Variants in SAMD5 observed in about 807,000 individuals in gnomAD.
SAMD5 encodes sterile alpha motif domain-containing protein 5.
In SAMD5, 13 loss-of-function variants were observed where a neutral mutation model predicts 11.3. The ratio of observed to expected loss-of-function variants is 1.15; its 90% CI spans 0.75 to 1.83. The LOEUF (loss-of-function observed/expected upper bound fraction) is 1.83, where lower values mean the gene tolerates loss of function less well. Among genes scored for constraint, SAMD5 ranks in the 40% most tolerant of loss-of-function variants. SAMD5 has a pLI of 0.00. For missense variants in SAMD5, 255 were observed against 239.1 expected, an observed-to-expected ratio of 1.07 and a Z score of -0.44; for synonymous variants, 129 against 111.3, an observed-to-expected ratio of 1.16 and a Z score of -1.00.
intron 1 of SAMD5, among the ~76,000 whole-genome samples, chr6:147,715,174 T>C (rs6941141): frequency 0.023 from 3,494 of 152,244 alleles, 154 homozygotes; most frequent in African/African-American, 0.081. Context: ...TCAGGCCTGC[T>C]GGGCTTGTTC....
the SAMD5 span, among the ~76,000 whole-genome samples, chr6:147,877,887 A>ATAGC: frequency 5.1e-5 from 4 of 78,358 alleles, no homozygotes; most frequent in Non-Finnish European, 1.2e-4. Context: ...CACACGATAG[A>ATAGC]TAGATAGCTA....
At chr6:147,831,407 C>T in the SAMD5 span, among the ~76,000 whole-genome samples, 7,739 of 152,202 alleles carry the variant, frequency 0.051, 651 homozygotes, top group African/African-American at 0.18. Context: ...TATTAGCATT[C>T]CCTCTGCTCC....
the SAMD5 span, among the ~76,000 whole-genome samples, chr6:147,886,484 G>T: frequency 6.6e-6 from 1 of 152,064 alleles, no homozygotes; most frequent in South Asian, 2.1e-4. Context: ...TCTGCCTCTT[G>T]GTGGTCCTGC....
intron 1 of SAMD5, among the ~76,000 whole-genome samples, chr6:147,663,635 T>C (rs1020169185): frequency 9.1e-5 from 13 of 143,352 alleles, no homozygotes; most frequent in African/African-American, 3.1e-4. Flanking sequence ...AAAAAAAAAA[T>C]ACAAAAATTA....
At chr6:147,624,332 C>T (rs761856846) in intron 1 of SAMD5, among the ~76,000 whole-genome samples, 4 of 152,146 alleles carry the variant, frequency 2.6e-5, no homozygotes, top group African/African-American at 7.2e-5. Context: ...CTAGCCCACC[C>T]CCCAGGGGAT....
intron 1 of SAMD5, among the ~76,000 whole-genome samples, chr6:147,552,869 A>G (rs1788796620): frequency 6.6e-6 from 1 of 152,362 alleles, no homozygotes; most frequent in South Asian, 2.1e-4. Context: ...TAATGACTAA[A>G]CAGTGCTTAA....
At chr6:147,774,568 G>A in the SAMD5 span, among the ~76,000 whole-genome samples, 4,179 of 151,944 alleles carry the variant, frequency 0.028, 79 homozygotes, top group South Asian at 0.048. Flanking sequence ...TACTGTATTG[G>A]TCTTTTCTCC....
intron 1 of SAMD5, among the ~76,000 whole-genome samples, chr6:147,510,613 G>GAATCTTA (rs1788074042): frequency 6.6e-6 from 1 of 152,206 alleles, no homozygotes; most frequent in South Asian, 2.1e-4. Flanking sequence ...GTAATGCCTG[G>GAATCTTA]AGTTAAGGAA....
the SAMD5 span, among the ~76,000 whole-genome samples, chr6:147,836,414 C>T: frequency 6.6e-6 from 1 of 152,158 alleles, no homozygotes; most frequent in Admixed American, 6.5e-5. Flanking sequence ...TCCCAATAAA[C>T]TCATTATAGG....
At chr6:147,560,428 T>C (rs1460994428) in intron 1 of SAMD5, among the ~76,000 whole-genome samples, 1 of 152,216 alleles carries the variant, frequency 6.6e-6, no homozygotes, top group Non-Finnish European at 1.5e-5. Context: ...GTTACACAGT[T>C]GTCTCCCAAA....
chr6:147,677,281 C>G (rs1790877303), intron 1 of SAMD5, among the ~76,000 whole-genome samples: 1 of 152,048 alleles, frequency 6.6e-6, no homozygotes, highest in African/African-American at 2.4e-5. Flanking sequence ...AAGAGAGTTT[C>G]TAAGAATGAT....
chr6:147,777,022 A>G, the SAMD5 span, among the ~76,000 whole-genome samples: 3 of 152,210 alleles, frequency 2.0e-5, no homozygotes, highest in African/African-American at 4.8e-5. Context: ...AACTTGATTG[A>G]TTAGTTTCCA....
intron 1 of SAMD5, among the ~76,000 whole-genome samples, chr6:147,613,415 CG>C (rs1314943495): frequency 1.3e-5 from 2 of 151,828 alleles, no homozygotes; most frequent in Non-Finnish European, 2.9e-5. Flanking sequence ...TCTGGCTAGT[CG>C]AGACTCAGCA....
At chr6:147,716,326 G>A (rs1450584613) in intron 1 of SAMD5, among the ~76,000 whole-genome samples, 6 of 152,334 alleles carry the variant, frequency 3.9e-5, no homozygotes, top group African/African-American at 1.2e-4. Context: ...ACCTTGCTCC[G>A]AGATCAGAGT....
intron 1 of SAMD5, among the ~76,000 whole-genome samples, chr6:147,736,672 G>T (rs1291311480): frequency 6.6e-6 from 1 of 152,092 alleles, no homozygotes; most frequent in Non-Finnish European, 1.5e-5. Context: ...TAGTTCACAA[G>T]GCCATTTCAG....
intron 1 of SAMD5, among the ~76,000 whole-genome samples, chr6:147,540,931 G>A (rs144456726): frequency 0.023 from 2,771 of 122,634 alleles, 103 homozygotes; most frequent in African/African-American, 0.087. Flanking sequence ...TTCAAGCCAC[G>A]CGTTTTTTTT....
chr6:147,753,509 G>C, the SAMD5 span, among the ~76,000 whole-genome samples: 4 of 152,222 alleles, frequency 2.6e-5, no homozygotes, highest in African/African-American at 9.6e-5. Context: ...GCATATCATG[G>C]AGAATGGGAT....
At chr6:147,788,879 C>T in the SAMD5 span, among the ~76,000 whole-genome samples, 4 of 151,038 alleles carry the variant, frequency 2.6e-5, no homozygotes, top group Non-Finnish European at 4.4e-5. Flanking sequence ...GTCAGGAGAT[C>T]GAGACCATCC....
intron 1 of SAMD5, among the ~76,000 whole-genome samples, chr6:147,652,754 C>T (rs1790508082): frequency 6.6e-6 from 1 of 152,212 alleles, no homozygotes; most frequent in African/African-American, 2.4e-5. Context: ...ATCACAATTT[C>T]TGATTCTTCA....
Sources: gnomAD v4.1 joint callset for allele counts (sites outside exome capture counted in the v4.1 genomes callset) on GRCh38, gnomAD v4.1.1 for gene constraint, MANE v1.5 for transcripts, NCBI Gene and HGNC (gene_info 2026-07-23, HGNC 2026-07-21) for gene names.